The following DLG2 variants were observed in gnomAD, a reference collection of about 807,000 sequenced individuals.
DLG2 encodes the protein discs large MAGUK scaffold protein 2, also known as disks large homolog 2.
DLG2 carries 45 observed loss-of-function variants against 132.5 expected under a neutral mutation model. The ratio of observed to expected loss-of-function variants is 0.34; its 90% CI spans 0.27 to 0.44. The LOEUF is 0.44. DLG2 is among the 20% of genes least tolerant of loss of function. The pLI, the probability that DLG2 is intolerant of heterozygous loss-of-function variation, is 1.00. For synonymous variants in DLG2, 424 were observed against 419.6 expected (o/e 1.01, Z -0.13); for missense variants, 1,045 against 1,196.9 (o/e 0.87, Z 1.87).
intron 6 of DLG2, among the ~76,000 whole-genome samples, chr11:84,535,965 A>ATATATATATATATATATAT (rs1209865425): frequency 8.6e-5 from 13 of 151,446 alleles, no homozygotes; most frequent in Middle Eastern, 3.4e-3. Flanking sequence ...ATATATATAT[A>ATATATATATATATATATAT]AAACTTCTAG....
At chr11:84,962,891 A>G (rs1258117919) in intron 6 of DLG2, among the ~76,000 whole-genome samples, 1 of 152,228 alleles carries the variant, frequency 6.6e-6, no homozygotes, top group Non-Finnish European at 1.5e-5. Flanking sequence ...TGCAAAAAGC[A>G]GAGGTAAAAA....
intron 6 of DLG2, among the ~76,000 whole-genome samples, chr11:84,681,123 C>A (rs1014193553): frequency 3.1e-4 from 47 of 152,266 alleles, no homozygotes; most frequent in Admixed American, 9.2e-4. Context: ...AGTTGCTAAA[C>A]CTCTATTTTC....
intron 6 of DLG2, among the ~76,000 whole-genome samples, chr11:84,588,050 G>A (rs2099533938): frequency 6.6e-6 from 1 of 152,078 alleles, no homozygotes. Flanking sequence ...TGTGTGCTTT[G>A]TGAATGCCAT....
At chr11:84,129,670 T>C (rs2094332966) in intron 9 of DLG2, among the ~76,000 whole-genome samples, 1 of 151,720 alleles carries the variant, frequency 6.6e-6, no homozygotes, top group East Asian at 1.9e-4. Context: ...TGAAAATATT[T>C]ATAGTATTTT....
chr11:83,669,201 C>A lies in DLG2; in HGVS notation c.1826-35876G>T, dbSNP rs531390796. ...CAGTCCTGGTCCCTCTCCTCATGAA[C>A]CCCCTCTCCCTACTCACACTCTTTC... is the stretch of plus-strand genomic sequence containing the variant. On this transcript the variant is annotated intron_variant, in intron 18 of 27. Coordinates refer to ENST00000376104, the MANE Select transcript of DLG2 (RefSeq NM_001142699.3). 4.6e-5 allele frequency among the ~76,000 whole-genome samples: 7 copies of A among 151,864 alleles called. No individual in the cohort carries two copies. In the South Asian group the frequency reaches 1.5e-3, roughly 32 times the overall value.
At chr11:83,648,898 G>T (rs2069118070) in intron 18 of DLG2, among the ~76,000 whole-genome samples, 1 of 152,184 alleles carries the variant, frequency 6.6e-6, no homozygotes, top group African/African-American at 2.4e-5. Context: ...CCTTTTAAAA[G>T]TTAAAAAGCA....
intron 10 of DLG2, among the ~76,000 whole-genome samples, chr11:84,064,346 C>T (rs751806480): frequency 6.6e-6 from 1 of 152,162 alleles, no homozygotes; most frequent in Non-Finnish European, 1.5e-5. Context: ...AAGCACATTT[C>T]TACTTTTATG....
chr11:85,193,850 T>C (rs1272194810), intron 4 of DLG2, among the ~76,000 whole-genome samples: 1 of 152,238 alleles, frequency 6.6e-6, no homozygotes, highest in Non-Finnish European at 1.5e-5. Flanking sequence ...AACAGTAACC[T>C]TTGAAGCACA....
intron 3 of DLG2, among the ~76,000 whole-genome samples, chr11:85,483,802 G>A (rs2093354888): frequency 1.3e-5 from 2 of 151,492 alleles, no homozygotes; most frequent in African/African-American, 2.4e-5. Flanking sequence ...AAATTAGCCA[G>A]GCATGGTGGA....
At chr11:83,668,730 TATATATGTGTATATAAACAC>T (rs2076223791) in intron 18 of DLG2, among the ~76,000 whole-genome samples, 1 of 72,566 alleles carries the variant, frequency 1.4e-5, no homozygotes, top group Non-Finnish European at 2.7e-5. Context: ...TATAAACACA[TATATATGTGTATATAAACAC>T]ACATATATAT....
chr11:84,851,389 G>T (rs1295006740), intron 6 of DLG2, among the ~76,000 whole-genome samples: 1 of 152,000 alleles, frequency 6.6e-6, no homozygotes, highest in Non-Finnish European at 1.5e-5. Context: ...AGTGAGCCTG[G>T]CTCTGGTCCC....
At chr11:84,597,032 C>A (rs2099561991) in intron 6 of DLG2, among the ~76,000 whole-genome samples, 1 of 151,970 alleles carries the variant, frequency 6.6e-6, no homozygotes, top group African/African-American at 2.4e-5. Context: ...ACTAGCCTGG[C>A]CAAAATGGGG....
At chr11:84,099,330 T>A (rs76653083) in intron 9 of DLG2, among the ~76,000 whole-genome samples, 1 of 152,106 alleles carries the variant, frequency 6.6e-6, no homozygotes, top group Non-Finnish European at 1.5e-5. Flanking sequence ...AATAAAAACT[T>A]ACAAATTGTG....
chr11:83,832,410 G>A (rs2054806176), intron 17 of DLG2, among the ~76,000 whole-genome samples: 1 of 152,148 alleles, frequency 6.6e-6, no homozygotes, highest in Non-Finnish European at 1.5e-5. Flanking sequence ...TCTCATCTCA[G>A]TAAAGTACCC....
At chr11:83,498,955 G>C (rs2094304289) in intron 21 of DLG2, among the ~76,000 whole-genome samples, 1 of 151,922 alleles carries the variant, frequency 6.6e-6, no homozygotes, top group Admixed American at 6.6e-5. Flanking sequence ...AGCTAACTTA[G>C]ATAAGATGGA....
chr11:84,496,549 T>C (rs919779667), intron 7 of DLG2, among the ~76,000 whole-genome samples: 3 of 152,178 alleles, frequency 2.0e-5, no homozygotes, highest in Non-Finnish European at 2.9e-5. Flanking sequence ...GGCAAGATTG[T>C]TGAACTGATT....
intron 7 of DLG2, among the ~76,000 whole-genome samples, chr11:84,502,164 C>T (rs764525823): frequency 0.079 from 3,977 of 50,190 alleles, 598 homozygotes; most frequent in African/African-American, 0.17. Context: ...CTTCCTTTCT[C>T]TCTCTCTCTC....
At chr11:85,268,562 ATTTCT>A (rs2077351209) in intron 4 of DLG2, among the ~76,000 whole-genome samples, 1 of 152,182 alleles carries the variant, frequency 6.6e-6, no homozygotes, top group Admixed American at 6.5e-5. Flanking sequence ...GCAAAATAAA[ATTTCT>A]AAATTAAGCG....
At chr11:85,320,317 T>C (rs1261147175) in intron 3 of DLG2, among the ~76,000 whole-genome samples, 2 of 151,930 alleles carry the variant, frequency 1.3e-5, no homozygotes, top group Non-Finnish European at 2.9e-5. Flanking sequence ...GCAGCTTGTC[T>C]AAATTTTCAG....
Sources: allele counts gnomAD v4.1 joint callset (sites outside exome capture counted in the v4.1 genomes callset), GRCh38; gene constraint gnomAD v4.1.1; transcripts MANE v1.5; gene names NCBI Gene and HGNC (gene_info 2026-07-23, HGNC 2026-07-21).